The following BMPR1B variants were observed in gnomAD, a reference collection of about 807,000 sequenced individuals.
BMPR1B encodes the protein bone morphogenetic protein receptor type-1B.
Under a neutral mutation model 59.1 loss-of-function variants are expected in BMPR1B, and 12 were observed. That is an observed-to-expected ratio of 0.20 (90% CI 0.13 to 0.33). The LOEUF (loss-of-function observed/expected upper bound fraction) is 0.33, where lower values mean the gene tolerates loss of function less well. Among genes scored for constraint, BMPR1B ranks in the 10% least tolerant of loss-of-function variants. The probability of loss-of-function intolerance (pLI) is 1.00; values close to 1 mark genes in which losing one functional copy is unlikely to be tolerated. For missense variants in BMPR1B, 550 were observed against 610.9 expected (o/e 0.90, Z 1.05); for synonymous variants, 237 against 207.3 (o/e 1.14, Z -1.23).
intron 2 of BMPR1B, among the ~76,000 whole-genome samples, chr4:94,883,794 A>AT (rs952777249): frequency 6.6e-6 from 1 of 152,054 alleles, no homozygotes; most frequent in Non-Finnish European, 1.5e-5. Flanking sequence ...GGAACATGTG[A>AT]TTTTTTTGAT....
chr4:94,762,908 T>C (rs983816779), intron 1 of BMPR1B, among the ~76,000 whole-genome samples: 1 of 151,770 alleles, frequency 6.6e-6, no homozygotes, highest in African/African-American at 2.4e-5. Flanking sequence ...AGGATCTACA[T>C]TGCAGCAATT....
At chr4:94,834,830 T>C (rs1724738147) in intron 1 of BMPR1B, among the ~76,000 whole-genome samples, 1 of 152,110 alleles carries the variant, frequency 6.6e-6, no homozygotes, top group South Asian at 2.1e-4. Context: ...GGTATTTTAA[T>C]AACAATAAAT....
At chr4:95,085,272 A>AATG (rs1729489693) in intron 3 of BMPR1B, among the ~76,000 whole-genome samples, 1 of 152,146 alleles carries the variant, frequency 6.6e-6, no homozygotes, top group Non-Finnish European at 1.5e-5. Context: ...GATGGGATCC[A>AATG]GCAGACCAAT....
intron 1 of BMPR1B, among the ~76,000 whole-genome samples, chr4:94,865,993 T>C (rs147848623): frequency 3.5e-4 from 53 of 152,330 alleles, no homozygotes; most frequent in Non-Finnish European, 6.2e-4. Context: ...AACAAGTACA[T>C]GTCATAAAGT....
At chr4:94,796,090 G>T (rs1203806733) in intron 1 of BMPR1B, among the ~76,000 whole-genome samples, 1 of 151,688 alleles carries the variant, frequency 6.6e-6, no homozygotes, top group African/African-American at 2.4e-5. Flanking sequence ...TCAGCCTCCT[G>T]AGTAGCTGGG....
intron 1 of BMPR1B, among the ~76,000 whole-genome samples, chr4:94,780,322 G>C (rs533365384): frequency 6.6e-6 from 1 of 151,922 alleles, no homozygotes; most frequent in South Asian, 2.1e-4. Context: ...TTATTTTCGA[G>C]GTTCATCCAT....
At chr4:94,965,728 A>G (rs1730530437) in intron 2 of BMPR1B, among the ~76,000 whole-genome samples, 2 of 152,310 alleles carry the variant, frequency 1.3e-5, no homozygotes, top group Middle Eastern at 3.4e-3. Flanking sequence ...ATGTGTTTCA[A>G]GTAAAATATA....
intron 3 of BMPR1B, among the ~76,000 whole-genome samples, chr4:95,054,322 A>G (rs899316584): frequency 5.3e-5 from 8 of 152,148 alleles, no homozygotes; most frequent in African/African-American, 2.4e-5. Flanking sequence ...ATCAACCTAA[A>G]TCTTACCACT....
intron 2 of BMPR1B, among the ~76,000 whole-genome samples, chr4:94,975,381 T>G (rs1459448261): frequency 6.8e-6 from 1 of 146,448 alleles, no homozygotes; most frequent in Non-Finnish European, 1.5e-5. Context: ...TTTTTTTTTT[T>G]GAGACGGGGT....
chr4:95,134,054 G>A (rs917685133), intron 10 of BMPR1B, among the ~76,000 whole-genome samples: 2 of 152,076 alleles, frequency 1.3e-5, no homozygotes, highest in Admixed American at 6.6e-5. Flanking sequence ...CCTGGTGTGT[G>A]ATGTTCCCCA....
chr4:95,049,391 G>T (rs1726272941), intron 3 of BMPR1B, among the ~76,000 whole-genome samples: 2 of 139,104 alleles, frequency 1.4e-5, no homozygotes, highest in Admixed American at 1.5e-4. Flanking sequence ...TGGGATTACA[G>T]GTACGAGCCA....
chr4:95,096,581 C>T (rs1271192106), intron 3 of BMPR1B, among the ~76,000 whole-genome samples: 2 of 150,418 alleles, frequency 1.3e-5, no homozygotes, highest in Non-Finnish European at 3.0e-5. Context: ...TGTTTATTTG[C>T]ACGCCAAAAA....
intron 6 of BMPR1B, among the ~76,000 whole-genome samples, chr4:95,116,909 G>T (rs1732112365): frequency 6.6e-6 from 1 of 151,914 alleles, no homozygotes; most frequent in Non-Finnish European, 1.5e-5. Flanking sequence ...AACATGCTAG[G>T]TATTAGGAAT....
At chr4:94,960,486 G>A (rs1002049375) in intron 2 of BMPR1B, among the ~76,000 whole-genome samples, 1 of 152,084 alleles carries the variant, frequency 6.6e-6, no homozygotes, top group Non-Finnish European at 1.5e-5. Context: ...CGTAACAGAA[G>A]AGAAAAATAT....
intron 1 of BMPR1B, among the ~76,000 whole-genome samples, chr4:94,780,185 A>G (rs1578634517): frequency 6.6e-6 from 1 of 151,956 alleles, no homozygotes; most frequent in Non-Finnish European, 1.5e-5. Context: ...ATTACTCCCA[A>G]CCGCACTAGC....
chr4:94,952,995 T>G (rs1730005934), intron 2 of BMPR1B, among the ~76,000 whole-genome samples: 1 of 152,226 alleles, frequency 6.6e-6, no homozygotes, highest in Admixed American at 6.5e-5. Flanking sequence ...GTTGCATTGA[T>G]CCCTTTACCA....
chr4:94,917,377 A>G (rs1370438915), intron 2 of BMPR1B, among the ~76,000 whole-genome samples: 2 of 152,330 alleles, frequency 1.3e-5, no homozygotes, highest in Non-Finnish European at 2.9e-5. Context: ...GAGAGCAGCC[A>G]TGGGGGCCGA....
chr4:95,014,355 A>T (rs548327763), intron 3 of BMPR1B, among the ~76,000 whole-genome samples: 1 of 152,324 alleles, frequency 6.6e-6, no homozygotes, highest in Non-Finnish European at 1.5e-5. Context: ...ATTCAAAGAC[A>T]TTAAGAATAA....
intron 1 of BMPR1B, among the ~76,000 whole-genome samples, chr4:94,815,358 A>T (rs1442784075): frequency 6.6e-6 from 1 of 152,184 alleles, no homozygotes; most frequent in East Asian, 1.9e-4. Context: ...AGACTGTTAT[A>T]AACAGTGCTT....
Sources: gnomAD v4.1 joint callset for allele counts (sites outside exome capture counted in the v4.1 genomes callset) on GRCh38, gnomAD v4.1.1 for gene constraint, MANE v1.5 for transcripts, NCBI Gene and HGNC (gene_info 2026-07-23, HGNC 2026-07-21) for gene names.